Variants in B4GALT3 observed in about 807,000 individuals in gnomAD.
B4GALT3 encodes the protein N-acetyllactosamine synthase.
Under a neutral mutation model 40.7 loss-of-function variants are expected in B4GALT3, and 29 were observed. The observed-to-expected ratio is 0.71, with a 90% CI of 0.53 to 0.97. The LOEUF is 0.97. Ranked by LOEUF, B4GALT3 falls within the 50% of genes least tolerant of loss-of-function variation. The pLI is 0.00. For synonymous variants in B4GALT3, 182 were observed against 203.9 expected (o/e 0.89, Z 0.92); for missense variants, 390 against 522.3 (o/e 0.75, Z 2.47).
At chr1:161,175,735 C>T in intron 3 of B4GALT3, 73 bp downstream of exon 3, 1 of 1,571,976 alleles carries the variant, frequency 6.4e-7, no homozygotes, top group Non-Finnish European at 8.6e-7. Context: ...CCACTCCATG[C>T]CTCCCTATCC....
In B4GALT3 at chr1:161,175,023, C is replaced by G. The variant is rs770982981; in HGVS notation, c.459G>C (p.Gln153His). Reference sequence around the variant, plus strand: ...GGATGACATAGATGCCATAAGCAAGCTGCTGGCGCTGCAAGAAGGGGTGCA... The same window carrying G: ...GGATGACATAGATGCCATAAGCAAGGTGCTGGCGCTGCAAGAAGGGGTGCA... ...YHLHPFLQRQ[Q>H]LAYGIYVIHQ... Residue 153 changes from glutamine (Q) to histidine (H), a missense_variant, in exon 4 of 8, where the codon CAG (glutamine) becomes CAC (histidine). Gln to His is a conservative substitution (Grantham distance 24). Around this residue, in one of 3 missense-constraint regions of B4GALT3, gnomAD observed 183 missense variants for 223.2 expected, o/e 0.82. Transcript: ENST00000319769. The G allele has an allele frequency of 1.2e-6, 2 of 1,613,578 alleles. No individual in the cohort carries two copies. Among genetic ancestry groups the G allele is most frequent in the South Asian group, 2.2e-5 (2 of 91,014 alleles).
In B4GALT3 at chr1:161,171,761, G is replaced by C. The variant is rs887281727; in HGVS notation, c.*55C>G. 2.4e-5 allele frequency: 38 copies of C among 1,592,924 alleles called. No homozygotes were observed. Among genetic ancestry groups the C allele is most frequent in the Non-Finnish European group, 3.0e-5 (35 of 1,165,994 alleles). ...AGAACAGTGAGGAGCTGAGGGTGGG[G>C]AGAATACAACCCCATGAATTCGGTT... On this transcript the variant is annotated 3_prime_UTR_variant, in exon 8 of 8. Coordinates refer to ENST00000319769, the MANE Select transcript of B4GALT3 (RefSeq NM_003779.4).
In B4GALT3 at chr1:161,177,186, C is replaced by T. The variant is rs979519053; in HGVS notation, c.-161+237G>A. 5.8e-6 allele frequency: 6 copies of T among 1,030,182 alleles called. No individual in the cohort carries two copies. In the African/African-American group the frequency reaches 6.4e-5, roughly 11 times the overall value. The allele number at this position is 1,030,182 out of a possible 1,614,324, so 63.8% of individuals were successfully genotyped here. On this transcript the variant is annotated intron_variant, in intron 1 of 7. Transcript: ENST00000319769. ...AGGGCTCACCTAGAGGGGCGTGGTC[C>T]GCGCTGTGGAGGGGGTTAAAACCCA...
Position 161,176,556 on chromosome 1 carries a change from C to T in B4GALT3, c.-137G>A. 1 of 479,024 alleles carries T rather than the reference C, an allele frequency of 2.1e-6. No individual in the cohort carries two copies. Among genetic ancestry groups the T allele is most frequent in the Non-Finnish European group, 3.8e-6 (1 of 264,700 alleles). The allele number at this position is 479,024 out of a possible 1,614,324, so 29.7% of individuals were successfully genotyped here. A position where few individuals can be genotyped will look rare whatever the true frequency, so the allele number is the denominator to read the frequency against. On this transcript the variant is annotated 5_prime_UTR_variant, in exon 2 of 8. The change creates a new upstream start codon in the 5' untranslated region. Coordinates refer to ENST00000319769, the MANE Select transcript of B4GALT3 (RefSeq NM_003779.4). ...GGGCAGAGAAAGGCTCCATCCAGCA[C>T]TCCAGCAGCGAATCTGGGACCAGCT...
intron 4 of B4GALT3, among the ~76,000 whole-genome samples, chr1:161,174,487 A>G (rs2101954964): frequency 6.6e-6 from 1 of 152,272 alleles, no homozygotes; most frequent in South Asian, 2.1e-4. Context: ...TGAAAAAGAA[A>G]GACTATCTTT....
Position 161,174,115 on chromosome 1 carries a change from A to G in B4GALT3, c.490-66T>C. ...GGCACGGAGAAAAGGGGGCTAAAGA[A>G]TAAAAGTGAAGGCCGGGCGCGGTGG... On this transcript the variant is annotated intron_variant, in intron 4 of 7. Transcript: ENST00000319769. 4 of 1,546,068 alleles carry G rather than the reference A, an allele frequency of 2.6e-6. No homozygotes were observed. The South Asian group carries it at 4.8e-5, about 18-fold the overall frequency.
rs1663631955 is a variant in B4GALT3, at chr1:161,176,639, G to A, written c.-160-60C>T. ...TGCACCGCCAGAGATCAGGATCAGGGTGAAGCTGGTTTCCCAGCAGGCGAA... is the reference window on the plus strand; with the variant it reads ...TGCACCGCCAGAGATCAGGATCAGGATGAAGCTGGTTTCCCAGCAGGCGAA... On this transcript the variant is annotated intron_variant, in intron 1 of 7. Coordinates refer to ENST00000319769, the MANE Select transcript of B4GALT3 (RefSeq NM_003779.4). 5.1e-6 allele frequency: 3 copies of A among 585,608 alleles called. No homozygotes were observed. In the South Asian group the frequency reaches 6.3e-5, roughly 12 times the overall value. 36.3% of individuals were successfully genotyped at this position (585,608 alleles called of 1,614,324 possible).
intron 5 of B4GALT3, 62 bp downstream of exon 5, chr1:161,173,797 C>T: frequency 6.2e-7 from 1 of 1,610,360 alleles, no homozygotes; most frequent in Non-Finnish European, 8.5e-7. Context: ...ATCCGCTTGG[C>T]TCTCCTCCTT....
Position 161,175,094 on chromosome 1 carries a change from G to C in B4GALT3, c.388C>G (p.Pro130Ala). 6.2e-7 allele frequency: 1 copy of C among 1,614,062 alleles called. No individual in the cohort carries two copies. The highest frequency in any genetic ancestry group is 8.5e-7 in the Non-Finnish European group (1 of 1,179,918). The change falls in exon 4 of 8, where the codon CCT becomes GCT. Residue 130 changes from proline to alanine, a missense_variant. This residue lies in a region of B4GALT3 where 183 missense variants were observed against 223.2 expected (regional missense o/e 0.82). Coordinates refer to ENST00000319769, the MANE Select transcript of B4GALT3 (RefSeq NM_003779.4). The part of the protein sequence containing the change: ...EPRSRTAIIV[P>A]HRAREHHLRL... The stretch of plus-strand genomic sequence containing the variant: ...AGGTGGTGCTCCCGGGCACGATGAG[G>C]CACAATGATGGCTGTTCGGGAGCGG...
At chr1:161,174,856 C>A in intron 4 of B4GALT3, 137 bp downstream of exon 4, 2 of 863,432 alleles carry the variant, frequency 2.3e-6, no homozygotes, top group Non-Finnish European at 3.7e-6. Flanking sequence ...AGAGCAGTGC[C>A]GGGTGCTTCT....
intron 2 of B4GALT3, 160 bp downstream of exon 2, chr1:161,176,274 C>T: frequency 1.5e-6 from 1 of 647,120 alleles, no homozygotes; most frequent in South Asian, 2.0e-5. Context: ...GTCACTTCAG[C>T]CCAAGTTTCG....
In B4GALT3 at chr1:161,172,302, C is replaced by T. The variant is rs1396340512; in HGVS notation, c.833G>A (p.Arg278Gln). ...ATAGTGTCCTACAGATGTGGGGGGC[C>T]GAGAGATCTTCATCCCAGCCAGGCG... ...RVRLAGMKIS[R>Q]PPTSVGHYKM... Residue 278 changes from arginine to glutamine, a missense_variant, in exon 7 of 8, where the codon CGG (arginine) becomes CAG (glutamine). By Grantham distance (43) the Arg-to-Gln change is conservative. This residue lies in a region of B4GALT3 where 135 missense variants were observed against 227.8 expected (regional missense o/e 0.59). Transcript: ENST00000319769. The T allele has an allele frequency of 1.9e-6, 3 of 1,613,770 alleles. No individual in the cohort carries two copies. Among genetic ancestry groups the T allele is most frequent in the Non-Finnish European group, 2.5e-6 (3 of 1,179,938 alleles).
intron 6 of B4GALT3, among the ~76,000 whole-genome samples, chr1:161,172,886 C>T (rs575599658): frequency 2.8e-5 from 4 of 144,504 alleles, no homozygotes; most frequent in African/African-American, 5.2e-5. Flanking sequence ...AAAAAAAAAA[C>T]GAAAGAAAGA....
intron 6 of B4GALT3, 50 bp downstream of exon 6, chr1:161,173,555 A>G (rs1019803636): frequency 6.2e-7 from 1 of 1,611,790 alleles, no homozygotes; most frequent in Admixed American, 1.7e-5. Flanking sequence ...GTCTTAGAGG[A>G]CAGGGATCCA....
chr1:161,175,686 A>G (rs1324499517), intron 3 of B4GALT3, 122 bp downstream of exon 3: 8 of 1,421,292 alleles, frequency 5.6e-6, no homozygotes, highest in Non-Finnish European at 7.7e-6. Context: ...GCCTACCTGC[A>G]GCCTCAGCCT....
chr1:161,173,216 G>A (rs549239797), intron 6 of B4GALT3, among the ~76,000 whole-genome samples: 15 of 152,194 alleles, frequency 9.9e-5, no homozygotes, highest in Admixed American at 2.0e-4. Flanking sequence ...TGTGCCAATG[G>A]CACAGGCCTT....
chr1:161,174,789 G>C (rs1662860321), intron 4 of B4GALT3: 1 of 597,150 alleles, frequency 1.7e-6, no homozygotes, highest in East Asian at 2.9e-5. Flanking sequence ...GGAGAGTGTA[G>C]GACAGTGGGA....
At chr1:161,174,841 T>C (rs1662881767) in intron 4 of B4GALT3, 152 bp downstream of exon 4, 1 of 745,070 alleles carries the variant, frequency 1.3e-6, no homozygotes, top group Non-Finnish European at 2.2e-6. Flanking sequence ...ACTAACAAAG[T>C]TGGAAGAGCA....
rs1018733643 is a variant in B4GALT3, at chr1:161,173,800, T to G, written c.680+59A>C. 2.5e-6 allele frequency: 4 copies of G among 1,610,016 alleles called. No homozygotes were observed. The African/African-American group carries it at 5.3e-5, about 22-fold the overall frequency. On this transcript the variant is annotated intron_variant, in intron 5 of 7. Transcript: ENST00000319769. ...TCCCCAACCACAATCCGCTTGGCTCTCCTCCTTCCACAGGATAGTAGGCTT... is the reference window on the plus strand; with the variant it reads ...TCCCCAACCACAATCCGCTTGGCTCGCCTCCTTCCACAGGATAGTAGGCTT...
Sources: gnomAD v4.1 joint callset for allele counts (sites outside exome capture counted in the v4.1 genomes callset) on GRCh38, gnomAD v4.1.1 for gene constraint, gnomAD v4.1.1 regional missense constraint, MANE v1.5 for transcripts, NCBI Gene and HGNC (gene_info 2026-07-23, HGNC 2026-07-21) for gene names.